Variants in ANAPC7 observed in about 807,000 individuals in gnomAD.
ANAPC7 encodes anaphase promoting complex subunit 7.
In ANAPC7, 25 loss-of-function variants were observed where a neutral mutation model predicts 63.3. That is an observed-to-expected ratio of 0.39 (90% CI 0.29 to 0.55). ANAPC7 has a LOEUF of 0.55. Among genes scored for constraint, ANAPC7 ranks in the 20% least tolerant of loss-of-function variants. ANAPC7 has a pLI of 0.57. For synonymous variants in ANAPC7, 241 were observed against 251.7 expected, an observed-to-expected ratio of 0.96 and a Z score of 0.40; for missense variants, 516 against 691.7, an observed-to-expected ratio of 0.75 and a Z score of 2.85.
intron 10 of ANAPC7, chr12:110,375,612 ATG>A: frequency 3.8e-6 from 3 of 790,538 alleles, no homozygotes; most frequent in African/African-American, 3.8e-5. Context: ...AGACAAGGAA[ATG>A]TGTTAGTAAC....
intron 6 of ANAPC7, 180 bp from the exon 7 acceptor site, chr12:110,383,140 T>A: frequency 1.8e-6 from 1 of 556,628 alleles, no homozygotes; most frequent in Non-Finnish European, 3.2e-6. Flanking sequence ...AAAGTGACTA[T>A]TAAAATGCAA....
At chr12:110,400,579 A>G (rs2062213837) in intron 1 of ANAPC7, among the ~76,000 whole-genome samples, 1 of 145,094 alleles carries the variant, frequency 6.9e-6, no homozygotes, top group Non-Finnish European at 1.5e-5. Flanking sequence ...ATCTTTAAGA[A>G]CTAAGAGTAA....
chr12:110,372,974 C>T lies in ANAPC7; in HGVS notation c.*1170G>A, dbSNP rs976887464. The T allele has an allele frequency of 6.6e-6, 1 of 152,204 alleles. No individual in the cohort carries two copies. The highest frequency in any genetic ancestry group is 2.4e-5 in the African/African-American group (1 of 41,452). The allele number at this position is 152,204 out of a possible 1,614,324, so 9.4% of individuals were successfully genotyped here. On this transcript the variant is annotated 3_prime_UTR_variant, in exon 11 of 11. Coordinates refer to ENST00000455511, the MANE Select transcript of ANAPC7 (RefSeq NM_016238.3). ...AACTACTGTACACTTACAGTTTTTA[C>T]ATTTTAGGATACGACTTTCTACTGA... is the stretch of plus-strand genomic sequence containing the variant.
rs1282932651 is a variant in ANAPC7 at position 110,373,451 on chromosome 12, G to A, written c.*693C>T. On this transcript the variant is annotated 3_prime_UTR_variant, in exon 11 of 11. Transcript: ENST00000455511. ...ATACTAAGAGTCTATTTTGAAAAGG[G>A]CTTCCATTCTGATCACCCCAACACC... 6.6e-6 allele frequency: 1 copy of A among 152,090 alleles called. No individual in the cohort carries two copies. The highest frequency in any genetic ancestry group is 1.5e-5 in the Non-Finnish European group (1 of 68,032). 9.4% of individuals were successfully genotyped at this position (152,090 alleles called of 1,614,324 possible).
intron 8 of ANAPC7, among the ~76,000 whole-genome samples, chr12:110,379,972 T>G (rs548319231): frequency 6.6e-6 from 1 of 152,264 alleles, no homozygotes; most frequent in South Asian, 2.1e-4. Context: ...AACAGACCCA[T>G]TCCCACAGCC....
At position 110,389,738 on chromosome 12, in the gene ANAPC7, C is replaced by T. The variant is rs192584053; in HGVS notation, c.409-1115G>A. On this transcript the variant is annotated intron_variant, in intron 3 of 10. Coordinates refer to ENST00000455511, the MANE Select transcript of ANAPC7 (RefSeq NM_016238.3). ...CGAGGTCAGGAGATTGAGACCATCC[C>T]GGCTAACACAGTGAAACCCCGTCTC... 6.9e-3 allele frequency among the ~76,000 whole-genome samples: 1,044 copies of T among 151,972 alleles called. 1 individual carries two copies. The highest frequency in any genetic ancestry group is 9.4e-3 in the Non-Finnish European group (639 of 67,944).
chr12:110,398,954 CAAAAACAAAAACAAG>C (rs1487518844), intron 1 of ANAPC7, among the ~76,000 whole-genome samples: 4 of 149,886 alleles, frequency 2.7e-5, no homozygotes, highest in Non-Finnish European at 4.4e-5. Context: ...TCTCCAAAAA[CAAAAACAAAAACAAG>C]AAAAACAAAG....
At chr12:110,391,421 A>G (rs531577757) in intron 3 of ANAPC7, among the ~76,000 whole-genome samples, 1 of 152,312 alleles carries the variant, frequency 6.6e-6, no homozygotes, top group South Asian at 2.1e-4. Context: ...GATGTTTACC[A>G]TATATTAACA....
intron 10 of ANAPC7, among the ~76,000 whole-genome samples, chr12:110,375,180 C>T (rs1191694092): frequency 6.6e-6 from 1 of 152,196 alleles, no homozygotes. Flanking sequence ...TTGAAGCCTT[C>T]CACATCCTGT....
intron 2 of ANAPC7, 75 bp from the exon 3 acceptor site, chr12:110,395,295 A>T: frequency 7.0e-7 from 1 of 1,420,000 alleles, no homozygotes; most frequent in African/African-American, 1.4e-5. Flanking sequence ...TTAAACATAG[A>T]GTTATCATAT....
chr12:110,383,743 G>A (rs948097566), intron 6 of ANAPC7, among the ~76,000 whole-genome samples: 8 of 151,612 alleles, frequency 5.3e-5, no homozygotes, highest in Non-Finnish European at 1.2e-4. Context: ...GGGCATGGTG[G>A]CGTGTGCCTG....
At chr12:110,391,231 A>C (rs28555214) in intron 3 of ANAPC7, among the ~76,000 whole-genome samples, 110,533 of 151,968 alleles carry the variant, frequency 0.73, 40,926 homozygotes, top group African/African-American at 0.86. Flanking sequence ...AAAAATAGAT[A>C]CTCACTTAAA....
intron 6 of ANAPC7, chr12:110,383,193 C>CTT (rs1882105971): frequency 7.5e-6 from 3 of 401,108 alleles, no homozygotes; most frequent in Non-Finnish European, 1.3e-5. Flanking sequence ...AATTCCAGCA[C>CTT]TTTAAGAAGC....
chr12:110,382,488 ATATATATT>A (rs1291660521), intron 7 of ANAPC7, among the ~76,000 whole-genome samples: 15 of 133,420 alleles, frequency 1.1e-4, no homozygotes, highest in African/African-American at 4.2e-4. Context: ...ATATATATAT[ATATATATT>A]TATAGAGACA....
chr12:110,394,393 G>A (rs1158896727), intron 3 of ANAPC7, among the ~76,000 whole-genome samples: 4 of 151,778 alleles, frequency 2.6e-5, no homozygotes, highest in Non-Finnish European at 4.4e-5. Flanking sequence ...TTGGGAGGCC[G>A]AGGTGGGCGG....
intron 1 of ANAPC7, among the ~76,000 whole-genome samples, chr12:110,402,760 G>A (rs927461334): frequency 6.6e-6 from 1 of 151,970 alleles, no homozygotes; most frequent in Non-Finnish European, 1.5e-5. Flanking sequence ...TTTTGAGACA[G>A]GCAGTCGTTC....
chr12:110,400,745 G>T (rs1045006550), intron 1 of ANAPC7, among the ~76,000 whole-genome samples: 1 of 151,762 alleles, frequency 6.6e-6, no homozygotes, highest in African/African-American at 2.4e-5. Context: ...CACTAGTAAG[G>T]TCCAAAGCAC....
chr12:110,380,677 G>A (rs1403253295), intron 8 of ANAPC7, among the ~76,000 whole-genome samples: 1 of 140,468 alleles, frequency 7.1e-6, no homozygotes, highest in Non-Finnish European at 1.5e-5. Context: ...AACAGGACCC[G>A]GGCACGGTGG....
chr12:110,395,205 T>A lies in ANAPC7; in HGVS notation c.304A>T (p.Ile102Phe), dbSNP rs1883468327. The A allele has an allele frequency of 2.5e-6, 4 of 1,612,036 alleles. No individual in the cohort carries two copies. The highest frequency in any genetic ancestry group is 3.4e-6 in the Non-Finnish European group (4 of 1,179,404). ...TPQSQCLPSE[I>F]EVKYKMAECY... ...TCAGCCATTTTGTATTTCACTTCAA[T>A]TTCAGATGGAAGACACTAAAAGACA... The change falls in exon 3 of 11, where the codon ATT (isoleucine) becomes TTT (phenylalanine). Residue 102 changes from isoleucine to phenylalanine, a missense_variant. Ile to Phe is a conservative substitution (Grantham distance 21). This residue lies in a region of ANAPC7 where 185 missense variants were observed against 200.3 expected (regional missense o/e 0.92). Transcript: ENST00000455511.
Sources: allele counts gnomAD v4.1 joint callset (sites outside exome capture counted in the v4.1 genomes callset), GRCh38; gene constraint gnomAD v4.1.1; regional missense constraint gnomAD v4.1.1; transcripts MANE v1.5; gene names NCBI Gene and HGNC (gene_info 2026-07-23, HGNC 2026-07-21).